The following THSD7A variants were observed in gnomAD, a reference collection of about 807,000 sequenced individuals.
THSD7A encodes the protein thrombospondin type 1 domain containing 7A.
Under a neutral mutation model 231.3 loss-of-function variants are expected in THSD7A, and 96 were observed. The ratio of observed to expected loss-of-function variants is 0.41; its 90% CI spans 0.35 to 0.49. The LOEUF (loss-of-function observed/expected upper bound fraction) is 0.49, where lower values mean the gene tolerates loss of function less well. THSD7A is among the 20% of genes least tolerant of loss of function. The probability of loss-of-function intolerance (pLI) is 0.05; values close to 1 mark genes in which losing one functional copy is unlikely to be tolerated. For missense variants in THSD7A, 2,290 were observed against 2,070.2 expected (o/e 1.11, Z -2.06); for synonymous variants, 940 against 743.3 (o/e 1.26, Z -4.30).
At chr7:11,381,430 C>T (rs571144363) in intron 24 of THSD7A, among the ~76,000 whole-genome samples, 2 of 152,190 alleles carry the variant, frequency 1.3e-5, no homozygotes, top group South Asian at 4.1e-4. Flanking sequence ...TTCAATAAAT[C>T]CAGGTAATTT....
intron 4 of THSD7A, among the ~76,000 whole-genome samples, chr7:11,584,236 C>G (rs1388311863): frequency 1.3e-5 from 2 of 152,000 alleles, no homozygotes; most frequent in African/African-American, 2.4e-5. Context: ...CTCAGTTCTG[C>G]CCTTAAGATC....
chr7:11,552,856 C>T (rs140810759), intron 4 of THSD7A, among the ~76,000 whole-genome samples: 2 of 152,074 alleles, frequency 1.3e-5, no homozygotes, highest in African/African-American at 2.4e-5. Flanking sequence ...AAACATCATA[C>T]CTAATCAAAC....
At chr7:11,623,868 C>T (rs1366597899) in intron 2 of THSD7A, among the ~76,000 whole-genome samples, 1 of 152,120 alleles carries the variant, frequency 6.6e-6, no homozygotes, top group Non-Finnish European at 1.5e-5. Context: ...CAGAGTTTCC[C>T]TGACTTTCGT....
chr7:11,419,570 A>G (rs1784074453), intron 16 of THSD7A, among the ~76,000 whole-genome samples: 1 of 152,218 alleles, frequency 6.6e-6, no homozygotes, highest in Non-Finnish European at 1.5e-5. Context: ...TAGCAGTGTG[A>G]AAACAGACTA....
chr7:11,706,585 G>A (rs1349513791), intron 1 of THSD7A, among the ~76,000 whole-genome samples: 1 of 136,640 alleles, frequency 7.3e-6, no homozygotes, highest in Non-Finnish European at 1.6e-5. Flanking sequence ...TATATAATTT[G>A]CCACCACTTA....
At chr7:11,749,775 T>C (rs1157301890) in intron 1 of THSD7A, among the ~76,000 whole-genome samples, 2 of 151,994 alleles carry the variant, frequency 1.3e-5, no homozygotes, top group Non-Finnish European at 2.9e-5. Flanking sequence ...AATGTAAATT[T>C]TGATGAGTAA....
chr7:11,488,321 A>G (rs538145019), intron 6 of THSD7A, among the ~76,000 whole-genome samples: 4 of 152,252 alleles, frequency 2.6e-5, no homozygotes, highest in African/African-American at 9.6e-5. Context: ...CAAAAGAATT[A>G]AAGAGGGAAA....
intron 1 of THSD7A, among the ~76,000 whole-genome samples, chr7:11,769,151 A>ATTTTTTTCTTTTTTTTTTT (rs1422492872): frequency 2.8e-5 from 1 of 35,490 alleles, no homozygotes; most frequent in Non-Finnish European, 6.0e-5. Context: ...ATATATATAT[A>ATTTTTTTCTTTTTTTTTTT]TATTTTTTTT....
chr7:11,535,982 A>G (rs1370720107), intron 6 of THSD7A, among the ~76,000 whole-genome samples: 1 of 152,102 alleles, frequency 6.6e-6, no homozygotes, highest in East Asian at 1.9e-4. Context: ...CACAAAAGGT[A>G]CTCCCCTGAT....
In THSD7A at chr7:11,636,294, G is replaced by A. The variant is rs1400931587; in HGVS notation, c.858C>T (p.Asp286=). 5 of 1,613,890 alleles carry A rather than the reference G, an allele frequency of 3.1e-6. No individual in the cohort carries two copies. Among genetic ancestry groups the A allele is most frequent in the Non-Finnish European group, 4.2e-6 (5 of 1,179,888 alleles). ...CTGGATCCTTTACTCCTTTGCTGCGGTCCTTTTCCCGTTCTTTATTCTTCC... is the reference window on the plus strand; with the variant it reads ...CTGGATCCTTTACTCCTTTGCTGCGATCCTTTTCCCGTTCTTTATTCTTCC... ...RRGKNKEREK[D]RSKGVKDPEA... The change falls in exon 2 of 28, where the codon GAC becomes GAT. Residue 286 remains aspartate, a synonymous_variant. Transcript: ENST00000423059. This position sits in a 1 kb window ranked among gnomAD's most constrained non-coding sequence, Gnocchi z 10.0.
chr7:11,605,314 T>G lies in THSD7A; in HGVS notation c.1023-11812A>C, dbSNP rs181365835. ...ATTTTGGATGTCACCATAGGTCCAC[T>G]GCTTCTAATCCAGGGAAAGTCATGA... On this transcript the variant is annotated intron_variant, in intron 2 of 27. Transcript: ENST00000423059. Among the ~76,000 whole-genome samples, 60 of 152,274 alleles carry G rather than the reference T, an allele frequency of 3.9e-4. No homozygotes were observed. In the East Asian group the frequency reaches 0.011, roughly 29 times the overall value.
At chr7:11,435,403 G>T (rs972650838) in intron 13 of THSD7A, among the ~76,000 whole-genome samples, 1 of 152,044 alleles carries the variant, frequency 6.6e-6, no homozygotes, top group Non-Finnish European at 1.5e-5. Flanking sequence ...TGGTCACACC[G>T]GAGAGACCAA....
chr7:11,545,086 T>C (rs1789322879), intron 4 of THSD7A, among the ~76,000 whole-genome samples: 2 of 152,280 alleles, frequency 1.3e-5, no homozygotes, highest in South Asian at 4.1e-4. Context: ...CATATAAAAA[T>C]GGATTCTTTT....
At chr7:11,765,721 G>A (rs1015827229) in intron 1 of THSD7A, among the ~76,000 whole-genome samples, 14 of 152,120 alleles carry the variant, frequency 9.2e-5, no homozygotes, top group African/African-American at 3.4e-4. Flanking sequence ...GTAGTTTCAT[G>A]TAAGTATACA....
chr7:11,740,250 T>TGGCC (rs1782063834), intron 1 of THSD7A, among the ~76,000 whole-genome samples: 1 of 151,976 alleles, frequency 6.6e-6, no homozygotes, highest in African/African-American at 2.4e-5. Context: ...GAAGCCATGA[T>TGGCC]GGCCGGGACA....
At chr7:11,412,385 G>C (rs558424306) in intron 18 of THSD7A, among the ~76,000 whole-genome samples, 1 of 152,136 alleles carries the variant, frequency 6.6e-6, no homozygotes, top group Non-Finnish European at 1.5e-5. Context: ...CCCGAAGTGA[G>C]AGGTTGTCTT....
chr7:11,664,099 C>T (rs1288991516), intron 1 of THSD7A, among the ~76,000 whole-genome samples: 2 of 151,660 alleles, frequency 1.3e-5, no homozygotes, highest in Non-Finnish European at 1.5e-5. Context: ...TTTTTATCTA[C>T]TCTTTTTATT....
intron 1 of THSD7A, among the ~76,000 whole-genome samples, chr7:11,650,456 A>G (rs140084363): frequency 5.9e-5 from 9 of 152,230 alleles, no homozygotes. Flanking sequence ...GGAAGCTACT[A>G]TATTTCCACC....
At chr7:11,593,222 G>C (rs747855726) in intron 3 of THSD7A, 32 bp downstream of exon 3, 1 of 1,604,732 alleles carries the variant, frequency 6.2e-7, no homozygotes, top group South Asian at 1.1e-5. Flanking sequence ...ATGTAGTTTC[G>C]GCAGACGCTA....
Sources: gnomAD v4.1 joint callset for allele counts (sites outside exome capture counted in the v4.1 genomes callset) on GRCh38, gnomAD v4.1.1 for gene constraint, Gnocchi (gnomAD v3.1) non-coding constraint, MANE v1.5 for transcripts, NCBI Gene and HGNC (gene_info 2026-07-23, HGNC 2026-07-21) for gene names.